Variants in MAP2K5 observed in about 807,000 individuals in gnomAD.
MAP2K5 encodes dual specificity mitogen-activated protein kinase kinase 5.
Under a neutral mutation model 83.1 loss-of-function variants are expected in MAP2K5, and 49 were observed. The observed-to-expected ratio is 0.59, with a 90% CI of 0.47 to 0.75. The LOEUF is 0.75. MAP2K5 is among the 30% of genes least tolerant of loss of function. MAP2K5 has a pLI of 0.00. For missense variants in MAP2K5, 457 were observed against 557.5 expected (o/e 0.82, Z 1.82); for synonymous variants, 202 against 191.8 (o/e 1.05, Z -0.44).
chr15:67,751,248 C>A (rs35193493), intron 19 of MAP2K5, among the ~76,000 whole-genome samples: 15,494 of 151,822 alleles, frequency 0.1, 867 homozygotes, highest in Admixed American at 0.11. Context: ...CAGATCAGGA[C>A]CTGGGAGGGT....
intron 15 of MAP2K5, among the ~76,000 whole-genome samples, chr15:67,699,370 G>A (rs1379817459): frequency 6.6e-6 from 1 of 152,164 alleles, no homozygotes; most frequent in African/African-American, 2.4e-5. Context: ...CCTGCTAGAA[G>A]CCTAAATGGC....
At chr15:67,710,559 A>G (rs2088667908) in intron 16 of MAP2K5, among the ~76,000 whole-genome samples, 2 of 134,258 alleles carry the variant, frequency 1.5e-5, no homozygotes, top group South Asian at 2.4e-4. Flanking sequence ...GCTGGAGTGC[A>G]GTGGCACAGT....
chr15:67,581,314 A>G (rs923982470), intron 4 of MAP2K5, among the ~76,000 whole-genome samples: 2 of 152,186 alleles, frequency 1.3e-5, no homozygotes, highest in Non-Finnish European at 2.9e-5. Context: ...CATAAATGGA[A>G]ATTTGATTAT....
chr15:67,790,392 C>T lies in MAP2K5; in HGVS notation c.1243-16254C>T, dbSNP rs1422572094. Among the ~76,000 whole-genome samples the T allele has an allele frequency of 6.6e-6, 1 of 152,178 alleles. No homozygotes were observed. The highest frequency in any genetic ancestry group is 2.4e-5 in the African/African-American group (1 of 41,438). The stretch of plus-strand genomic sequence containing the variant: ...TCTTTCCACAGAGCGCCCAAGGTCC[C>T]ATTGCATTATATCATGCAATAAAAA... On this transcript the variant is annotated intron_variant, in intron 21 of 21. Coordinates refer to ENST00000178640, the MANE Select transcript of MAP2K5 (RefSeq NM_145160.3). This position sits in a 1 kb window ranked among gnomAD's most constrained non-coding sequence, Gnocchi z 4.6.
intron 4 of MAP2K5, among the ~76,000 whole-genome samples, chr15:67,584,634 C>G (rs2085249514): frequency 6.7e-6 from 1 of 148,970 alleles, no homozygotes; most frequent in Admixed American, 6.7e-5. Flanking sequence ...AAAATGAAAG[C>G]AACTGCAGTG....
rs1300247877 is a variant in MAP2K5 at position 67,555,056 on chromosome 15, G to T, written c.184+4974G>T. Reference sequence around the variant, plus strand: ...TTTCCAAGGGGAGTTAGGGCTGGATGAGGAGAGGGACATCTGTCTGCAGAA... The same window carrying T: ...TTTCCAAGGGGAGTTAGGGCTGGATTAGGAGAGGGACATCTGTCTGCAGAA... On this transcript the variant is annotated intron_variant, in intron 2 of 21. Coordinates refer to ENST00000178640, the MANE Select transcript of MAP2K5 (RefSeq NM_145160.3). This position sits in a 1 kb window ranked among gnomAD's most constrained non-coding sequence, Gnocchi z 5.2. Among the ~76,000 whole-genome samples the T allele has an allele frequency of 6.6e-6, 1 of 152,182 alleles. No homozygotes were observed. The highest frequency in any genetic ancestry group is 1.5e-5 in the Non-Finnish European group (1 of 68,038).
chr15:67,756,664 G>A (rs1043437618), intron 19 of MAP2K5, among the ~76,000 whole-genome samples: 1 of 151,688 alleles, frequency 6.6e-6, no homozygotes, highest in Admixed American at 6.6e-5. Flanking sequence ...AAGTAAGTTT[G>A]TCCCCTTTGA....
intron 3 of MAP2K5, among the ~76,000 whole-genome samples, chr15:67,569,143 C>T (rs2084903856): frequency 6.6e-6 from 1 of 151,920 alleles, no homozygotes; most frequent in Admixed American, 6.6e-5. Context: ...TATTTAATAG[C>T]ATCAGGGCCT....
At chr15:67,645,508 C>T (rs1320269046) in intron 9 of MAP2K5, among the ~76,000 whole-genome samples, 1 of 152,178 alleles carries the variant, frequency 6.6e-6, no homozygotes, top group African/African-American at 2.4e-5. Context: ...CATTTTTATT[C>T]ATCATCCTCT....
At chr15:67,598,144 G>T (rs1233319431) in intron 7 of MAP2K5, among the ~76,000 whole-genome samples, 6 of 152,040 alleles carry the variant, frequency 3.9e-5, no homozygotes, top group African/African-American at 1.4e-4. Context: ...TGTGGAGTTT[G>T]CAGTGAGCCA....
intron 9 of MAP2K5, among the ~76,000 whole-genome samples, chr15:67,645,003 C>T (rs1057197821): frequency 6.6e-6 from 1 of 151,192 alleles, no homozygotes; most frequent in Non-Finnish European, 1.5e-5. Context: ...CAAAAATTAG[C>T]CAGGTGTGGT....
chr15:67,635,595 T>C (rs1462664467), intron 9 of MAP2K5, among the ~76,000 whole-genome samples: 3 of 152,216 alleles, frequency 2.0e-5, no homozygotes, highest in Non-Finnish European at 4.4e-5. Context: ...TTCCATCTAG[T>C]AGTATTTTCC....
chr15:67,701,165 C>G (rs2088407137), intron 15 of MAP2K5, among the ~76,000 whole-genome samples: 1 of 151,992 alleles, frequency 6.6e-6, no homozygotes, highest in Non-Finnish European at 1.5e-5. Context: ...GAAAAAAGGA[C>G]AGGGGTTAGG....
intron 11 of MAP2K5, among the ~76,000 whole-genome samples, chr15:67,647,527 G>T (rs2086854622): frequency 6.6e-6 from 1 of 151,974 alleles, no homozygotes; most frequent in African/African-American, 2.4e-5. Context: ...TGGGAAGATT[G>T]CTTGAGCCCA....
At chr15:67,691,976 A>G (rs1167722416) in intron 13 of MAP2K5, among the ~76,000 whole-genome samples, 1 of 152,316 alleles carries the variant, frequency 6.6e-6, no homozygotes, top group East Asian at 1.9e-4. Context: ...TACTACATTA[A>G]TTTCCTCATC....
In MAP2K5 at chr15:67,746,540, G is replaced by C. The variant is rs987831200; in HGVS notation, c.1075-1691G>C. On this transcript the variant is annotated intron_variant, in intron 17 of 21. Coordinates refer to ENST00000178640, the MANE Select transcript of MAP2K5 (RefSeq NM_145160.3). This position sits in a 1 kb window ranked among gnomAD's most constrained non-coding sequence, Gnocchi z 4.1. ...GCTTTTCAGTATTTTTTTAAAGGTA[G>C]TTTGGCTTGTTACTGAAATTCTTAA... 6.6e-6 allele frequency among the ~76,000 whole-genome samples: 1 copy of C among 151,966 alleles called. No homozygotes were observed.
At chr15:67,695,981 A>G (rs1461383594) in intron 15 of MAP2K5, among the ~76,000 whole-genome samples, 2 of 152,024 alleles carry the variant, frequency 1.3e-5, no homozygotes, top group Non-Finnish European at 2.9e-5. Flanking sequence ...TGCTCAGGTC[A>G]GTAGGAGGCT....
Position 67,778,990 on chromosome 15 carries a change from AC to A in MAP2K5, c.1242+6240del, listed in dbSNP as rs1288705800. On this transcript the variant is annotated intron_variant, in intron 21 of 21. Transcript: ENST00000178640. This position sits in a 1 kb window ranked among gnomAD's most constrained non-coding sequence, Gnocchi z 5.0. ...TCATATAAAGTGTGTTTTAAAATGA[AC>A]CTTTAGGGCCAGACTCCTAATGTGT... Among the ~76,000 whole-genome samples, 1 of 152,168 alleles carries A rather than the reference AC, an allele frequency of 6.6e-6. No individual in the cohort carries two copies. Among genetic ancestry groups the A allele is most frequent in the Admixed American group, 6.5e-5 (1 of 15,282 alleles).
At chr15:67,580,369 G>T (rs1414445504) in intron 3 of MAP2K5, among the ~76,000 whole-genome samples, 1 of 152,058 alleles carries the variant, frequency 6.6e-6, no homozygotes, top group East Asian at 1.9e-4. Flanking sequence ...TGGCATGTAG[G>T]TCCAAGCCCA....
Sources: gnomAD v4.1 joint callset for allele counts (sites outside exome capture counted in the v4.1 genomes callset) on GRCh38, gnomAD v4.1.1 for gene constraint, Gnocchi (gnomAD v3.1) non-coding constraint, MANE v1.5 for transcripts, NCBI Gene and HGNC (gene_info 2026-07-23, HGNC 2026-07-21) for gene names.